The following DSG1 variants were observed in gnomAD, a reference collection of about 807,000 sequenced individuals.
DSG1 encodes desmoglein-1.
DSG1 carries 39 observed loss-of-function variants against 97.5 expected under a neutral mutation model. The ratio of observed to expected loss-of-function variants is 0.40; its 90% CI spans 0.31 to 0.52. The LOEUF (loss-of-function observed/expected upper bound fraction) is 0.52, where lower values mean the gene tolerates loss of function less well. Among genes scored for constraint, DSG1 ranks in the 20% least tolerant of loss-of-function variants. The probability of loss-of-function intolerance (pLI) is 0.53; values close to 1 mark genes in which losing one functional copy is unlikely to be tolerated. For missense variants in DSG1, 1,311 were observed against 1,295.4 expected, an observed-to-expected ratio of 1.01 and a Z score of -0.18; for synonymous variants, 475 against 443.4, an observed-to-expected ratio of 1.07 and a Z score of -0.90.
At position 31,346,800 on chromosome 18, in the gene DSG1, C is replaced by G. The variant is rs548232359; in HGVS notation, c.2100+602C>G. Among the ~76,000 whole-genome samples, 14 of 152,300 alleles carry G rather than the reference C, an allele frequency of 9.2e-5. No homozygotes were observed. The East Asian group carries it at 2.7e-3, about 29-fold the overall frequency. ...ATCTGTCCGTTTATATGTCTACCACCACTTTTAGTGTCTCATCCATATATT... is the reference window on the plus strand; with the variant it reads ...ATCTGTCCGTTTATATGTCTACCACGACTTTTAGTGTCTCATCCATATATT... On this transcript the variant is annotated intron_variant, in intron 14 of 14. Transcript: ENST00000257192.
chr18:31,355,303 G>T lies in DSG1; in HGVS notation c.3107G>T (p.Arg1036Leu), dbSNP rs778003137. ...GGGTCCGCCTCCCCTAGCACAGCTC[G>T]AAGTCGAATCACAAAGTATAGTACC... ...TIGSASPSTARSRITKYSTVQ... is the reference protein window; with the variant it reads ...TIGSASPSTALSRITKYSTVQ... The change falls in exon 15 of 15, where the codon CGA (arginine) becomes CTA (leucine). Residue 1036 changes from arginine (R) to leucine (L), a missense_variant. Physicochemically the swap from Arg to Leu is moderately radical, Grantham distance 102. Around this residue, in one of 3 missense-constraint regions of DSG1, gnomAD observed 1,038 missense variants for 964.6 expected, o/e 1.08. Transcript: ENST00000257192. The T allele has an allele frequency of 5.6e-6, 9 of 1,614,040 alleles. No homozygotes were observed. The highest frequency in any genetic ancestry group is 7.6e-6 in the Non-Finnish European group (9 of 1,180,028).
At chr18:31,352,389 G>A (rs2071905665) in intron 14 of DSG1, among the ~76,000 whole-genome samples, 1 of 150,906 alleles carries the variant, frequency 6.6e-6, no homozygotes, top group South Asian at 2.1e-4. Context: ...CTTTCTCTCT[G>A]GCTGCCCTTA....
chr18:31,345,279 C>T (rs1283410950), intron 13 of DSG1: 1 of 152,180 alleles, frequency 6.6e-6, no homozygotes, highest in Non-Finnish European at 1.5e-5. Flanking sequence ...CCACTGACAA[C>T]ATTCTTCATT....
Position 31,343,561 on chromosome 18 carries a change from A to G in DSG1, c.1799A>G (p.Glu600Gly), listed in dbSNP as rs370021777. 8.1e-6 allele frequency: 13 copies of G among 1,614,016 alleles called. No homozygotes were observed. Among genetic ancestry groups the G allele is most frequent in the African/African-American group, 6.7e-5 (5 of 74,918 alleles). The change falls in exon 12 of 15, where the codon GAA (glutamate) becomes GGA (glycine). Residue 600 changes from glutamate (E) to glycine (G), a missense_variant. Glu to Gly is a moderately conservative substitution (Grantham distance 98). This residue lies in a region of DSG1 where 1,038 missense variants were observed against 964.6 expected (regional missense o/e 1.08). Transcript: ENST00000257192. ...GGAGCAATTCATTCATGGGCAGTAG[A>G]AGGACCACAGCCTGAACCCAGGGTA... ...SDGAIHSWAV[E>G]GPQPEPRDIT...
intron 8 of DSG1, among the ~76,000 whole-genome samples, chr18:31,335,517 A>G (rs552596391): frequency 2.6e-5 from 4 of 151,138 alleles, no homozygotes; most frequent in African/African-American, 9.7e-5. Context: ...AGCTATATAC[A>G]TATATATATA....
In DSG1 at chr18:31,355,076, C is replaced by A. The variant is rs200560952; in HGVS notation, c.2880C>A (p.Gly960=). ...CAGAGAGGGTTGTTTCTGGTGCTGG[C>A]GTAACTGGAATTAGTGGCACCACTG... is the stretch of plus-strand genomic sequence containing the variant. ...IVTERVVSGA[G]VTGISGTTGI... is the part of the protein sequence containing the mutation. The change falls in exon 15 of 15, where the codon GGC becomes GGA. Residue 960 remains glycine, a synonymous_variant. Transcript: ENST00000257192. 6 of 1,614,118 alleles carry A rather than the reference C, an allele frequency of 3.7e-6. No homozygotes were observed. In the Admixed American group the frequency reaches 8.3e-5, roughly 22 times the overall value.
rs74538177 is a variant in DSG1 at position 31,330,634 on chromosome 18, T to C, written c.517+598T>C. Among the ~76,000 whole-genome samples the C allele has an allele frequency of 2.8e-3, 419 of 152,232 alleles. 1 individual carries two copies. The highest frequency in any genetic ancestry group is 9.3e-3 in the African/African-American group (387 of 41,562). Reference sequence around the variant, plus strand: ...AGTAAAAGGGAACAAAAATCTGCTGTCTGCATTTCCTAGTACCATTCTTCA... The same window carrying C: ...AGTAAAAGGGAACAAAAATCTGCTGCCTGCATTTCCTAGTACCATTCTTCA... On this transcript the variant is annotated intron_variant, in intron 5 of 14. Coordinates refer to ENST00000257192, the MANE Select transcript of DSG1 (RefSeq NM_001942.4).
intron 14 of DSG1, 119 bp downstream of exon 14, chr18:31,346,317 A>C: frequency 1.2e-6 from 1 of 850,154 alleles, no homozygotes. Context: ...CTCAGCCTTT[A>C]GTTTTTGTGC....
chr18:31,353,745 C>T (rs576412253), intron 14 of DSG1, among the ~76,000 whole-genome samples: 11 of 152,062 alleles, frequency 7.2e-5, no homozygotes, highest in Non-Finnish European at 8.8e-5. Context: ...AGGTGCCGTC[C>T]GTCACCCCTT....
intron 14 of DSG1, chr18:31,353,937 C>T (rs944159089): frequency 6.7e-5 from 19 of 283,306 alleles, no homozygotes; most frequent in Non-Finnish European, 1.1e-4. Context: ...TCTTCTGCGT[C>T]GCTCACGCTG....
chr18:31,333,501 T>C (rs1318031817), intron 6 of DSG1, 88 bp from the exon 7 acceptor site: 1 of 1,561,766 alleles, frequency 6.4e-7, no homozygotes, highest in East Asian at 2.2e-5. Flanking sequence ...TATGTAAACG[T>C]TGAGCCAACT....
chr18:31,358,564 A>T lies in DSG1; in HGVS notation c.*3218A>T, dbSNP rs1055324489. On this transcript the variant is annotated 3_prime_UTR_variant, in exon 15 of 15. Transcript: ENST00000257192. ...AGTAGATGTTTTTAGTTATCTGGCA[A>T]TTTATTTCTGAATTTATACCAATGT... 6.6e-6 allele frequency among the ~76,000 whole-genome samples: 1 copy of T among 151,976 alleles called. No homozygotes were observed. Among genetic ancestry groups the T allele is most frequent in the African/African-American group, 2.4e-5 (1 of 41,430 alleles).
chr18:31,333,847 CT>C, intron 7 of DSG1, 124 bp downstream of exon 7: 3 of 1,291,112 alleles, frequency 2.3e-6, no homozygotes, highest in Non-Finnish European at 2.2e-6. Flanking sequence ...TAGACACATA[CT>C]TTTTTCTTGT....
chr18:31,354,441 G>A lies in DSG1; in HGVS notation c.2245G>A (p.Asp749Asn), dbSNP rs1175408367. The change falls in exon 15 of 15, where the codon GAT becomes AAT. Residue 749 changes from aspartate (D) to asparagine (N), a missense_variant. Coordinates refer to ENST00000257192, the MANE Select transcript of DSG1 (RefSeq NM_001942.4). ...AGAAGACCTGGATGACAGCTTCTTG[G>A]ATACCCTGGGACCTAAATTTAAGAA... Reference protein sequence around the residue: ...IGEDLDDSFLDTLGPKFKKLA... With the variant: ...IGEDLDDSFLNTLGPKFKKLA... The A allele has an allele frequency of 5.6e-6, 9 of 1,614,050 alleles. No individual in the cohort carries two copies. In the Admixed American group the frequency reaches 1.5e-4, roughly 27 times the overall value.
intron 9 of DSG1, 68 bp from the exon 10 acceptor site, chr18:31,338,247 C>A: frequency 6.8e-7 from 1 of 1,472,908 alleles, no homozygotes; most frequent in Non-Finnish European, 9.3e-7. Flanking sequence ...AAAAACAATA[C>A]ATTTTAAATT....
intron 14 of DSG1, among the ~76,000 whole-genome samples, chr18:31,353,386 G>C (rs1340123410): frequency 1.4e-3 from 213 of 150,728 alleles, no homozygotes; most frequent in African/African-American, 4.9e-3. Flanking sequence ...TGTCAGACAG[G>C]GACATTTAAG....
chr18:31,345,846 C>A (rs1265725124), intron 13 of DSG1, 144 bp from the exon 14 acceptor site: 3 of 640,948 alleles, frequency 4.7e-6, no homozygotes, highest in East Asian at 5.5e-5. Flanking sequence ...GTATTTATAT[C>A]TCCTTTCTTT....
At chr18:31,344,139 ATGGC>A in intron 13 of DSG1, 144 bp downstream of exon 13, 1 of 692,662 alleles carries the variant, frequency 1.4e-6, no homozygotes, top group Admixed American at 2.8e-5. Flanking sequence ...TGTAAATTAA[ATGGC>A]AAGGAAAAAC....
rs758393297 is a variant in DSG1 at position 31,333,577 on chromosome 18, A to G, written c.685-12A>G. On this transcript the variant is annotated splice_polypyrimidine_tract_variant and intron_variant, in intron 6 of 14. Coordinates refer to ENST00000257192, the MANE Select transcript of DSG1 (RefSeq NM_001942.4). ...CGTCAAGTGTGATATTGCCTGTAAT[A>G]TGTATTTTTAGCAATACGGCCAGTA... 1 of 1,613,714 alleles carries G rather than the reference A, an allele frequency of 6.2e-7. No homozygotes were observed. Among genetic ancestry groups the G allele is most frequent in the East Asian group, 2.2e-5 (1 of 44,872 alleles).
Sources: allele counts gnomAD v4.1 joint callset (sites outside exome capture counted in the v4.1 genomes callset), GRCh38; gene constraint gnomAD v4.1.1; regional missense constraint gnomAD v4.1.1; transcripts MANE v1.5; gene names NCBI Gene and HGNC (gene_info 2026-07-23, HGNC 2026-07-21).